The following TACR1 variants were observed in gnomAD, a reference collection of about 807,000 sequenced individuals.
TACR1 encodes the protein substance-P receptor.
Under a neutral mutation model 35.8 loss-of-function variants are expected in TACR1, and 25 were observed. The observed-to-expected ratio is 0.70, with a 90% CI of 0.51 to 0.98. The LOEUF (loss-of-function observed/expected upper bound fraction) is 0.98. Among genes scored for constraint, TACR1 ranks in the 50% least tolerant of loss-of-function variants. The pLI, the probability that TACR1 is intolerant of heterozygous loss-of-function variation, is 0.00. For missense variants in TACR1, 478 were observed against 522.9 expected, an observed-to-expected ratio of 0.91 and a Z score of 0.84; for synonymous variants, 195 against 206.7, an observed-to-expected ratio of 0.94 and a Z score of 0.48.
chr2:75,130,106 C>T (rs528242106), intron 1 of TACR1, among the ~76,000 whole-genome samples: 1 of 152,284 alleles, frequency 6.6e-6, no homozygotes, highest in African/African-American at 2.4e-5. Context: ...TGTTTGATAT[C>T]TTAATGTATT....
At chr2:75,137,792 T>A (rs1250159486) in intron 1 of TACR1, among the ~76,000 whole-genome samples, 1 of 145,022 alleles carries the variant, frequency 6.9e-6, no homozygotes, top group African/African-American at 2.6e-5. Context: ...CCAGGAAGAC[T>A]CTTTGGCCCC....
intron 1 of TACR1, among the ~76,000 whole-genome samples, chr2:75,179,623 C>T (rs1480799296): frequency 6.6e-6 from 1 of 152,194 alleles, no homozygotes; most frequent in Admixed American, 6.5e-5. Context: ...TGGGCCTGGC[C>T]ATGTGACTAG....
At chr2:75,095,391 G>A (rs925739339) in intron 2 of TACR1, among the ~76,000 whole-genome samples, 1 of 152,164 alleles carries the variant, frequency 6.6e-6, no homozygotes, top group Non-Finnish European at 1.5e-5. Context: ...GCCTCCATTA[G>A]AGGAGGGAAT....
chr2:75,100,555 G>C (rs17010738), intron 2 of TACR1, among the ~76,000 whole-genome samples: 15 of 152,022 alleles, frequency 9.9e-5, no homozygotes, highest in African/African-American at 3.6e-4. Context: ...TGACTCTGTG[G>C]TAATGAATGG....
chr2:75,153,870 T>G (rs932352978), intron 1 of TACR1, among the ~76,000 whole-genome samples: 3 of 151,980 alleles, frequency 2.0e-5, no homozygotes, highest in African/African-American at 7.3e-5. Flanking sequence ...CAGTGTACTC[T>G]AAGTATTCTA....
chr2:75,118,932 T>C (rs1157832836), intron 2 of TACR1: 2 of 152,240 alleles, frequency 1.3e-5, no homozygotes, highest in Non-Finnish European at 2.9e-5. Flanking sequence ...CTCAGGCTTG[T>C]AGTTTCATCT....
chr2:75,116,772 T>C (rs1572939659), intron 2 of TACR1, among the ~76,000 whole-genome samples: 1 of 152,096 alleles, frequency 6.6e-6, no homozygotes, highest in African/African-American at 2.4e-5. Context: ...TAGCTGGGCG[T>C]GGTGATGGGC....
intron 1 of TACR1, among the ~76,000 whole-genome samples, chr2:75,125,108 G>A (rs1674047729): frequency 1.3e-5 from 2 of 152,280 alleles, no homozygotes; most frequent in Non-Finnish European, 2.9e-5. Context: ...CTTTACTGCT[G>A]TGAAGATCTC....
chr2:75,073,768 G>C (rs921547577), intron 2 of TACR1, among the ~76,000 whole-genome samples: 8 of 152,194 alleles, frequency 5.3e-5, no homozygotes, highest in African/African-American at 1.9e-4. Context: ...TCTGGCCTGT[G>C]ATGAGGCCCT....
At chr2:75,112,299 G>A (rs1673767381) in intron 2 of TACR1, among the ~76,000 whole-genome samples, 1 of 151,844 alleles carries the variant, frequency 6.6e-6, no homozygotes, top group Non-Finnish European at 1.5e-5. Context: ...TTATTTTGCT[G>A]ATATAAAAAT....
intron 1 of TACR1, chr2:75,188,805 C>T (rs1445818497): frequency 6.6e-6 from 1 of 152,178 alleles, no homozygotes; most frequent in African/African-American, 2.4e-5. Context: ...AAGAAAGCTG[C>T]TCTGTAGACC....
intron 1 of TACR1, among the ~76,000 whole-genome samples, chr2:75,179,326 C>A (rs1675504620): frequency 6.6e-6 from 1 of 152,140 alleles, no homozygotes; most frequent in Non-Finnish European, 1.5e-5. Context: ...TGTCTACCAC[C>A]AGACCCTGGT....
At chr2:75,169,855 C>T (rs1675233435) in intron 1 of TACR1, among the ~76,000 whole-genome samples, 1 of 151,994 alleles carries the variant, frequency 6.6e-6, no homozygotes, top group African/African-American at 2.4e-5. Context: ...TTTTTCTCTC[C>T]AGTTTTCATT....
intron 1 of TACR1, among the ~76,000 whole-genome samples, chr2:75,133,589 T>C (rs1411316192): frequency 1.3e-5 from 2 of 152,206 alleles, no homozygotes; most frequent in Non-Finnish European, 2.9e-5. Context: ...CACCAAGTGC[T>C]GGGGCTGGGT....
intron 1 of TACR1, among the ~76,000 whole-genome samples, chr2:75,138,094 G>C (rs1199017484): frequency 6.6e-6 from 1 of 152,236 alleles, no homozygotes; most frequent in African/African-American, 2.4e-5. Flanking sequence ...CTTGACGACA[G>C]GTGAGGAAAC....
At chr2:75,183,881 T>G (rs1447141838) in intron 1 of TACR1, among the ~76,000 whole-genome samples, 1 of 152,238 alleles carries the variant, frequency 6.6e-6, no homozygotes, top group East Asian at 1.9e-4. Context: ...CCTGTGCTAC[T>G]GCATGATGAG....
intron 1 of TACR1, among the ~76,000 whole-genome samples, chr2:75,172,606 C>G (rs750838912): frequency 2.0e-4 from 31 of 151,910 alleles, no homozygotes; most frequent in Non-Finnish European, 3.1e-4. Flanking sequence ...TTGTAGCTCC[C>G]CAGGACAAGA....
chr2:75,104,552 A>G (rs1673603218), intron 2 of TACR1, among the ~76,000 whole-genome samples: 1 of 152,102 alleles, frequency 6.6e-6, no homozygotes, highest in Non-Finnish European at 1.5e-5. Flanking sequence ...ACAGACATAT[A>G]TGGCACATTC....
intron 1 of TACR1, among the ~76,000 whole-genome samples, chr2:75,161,520 G>T (rs748805160): frequency 2.1e-4 from 32 of 152,004 alleles, no homozygotes; most frequent in Non-Finnish European, 3.7e-4. Context: ...AGGAAGAAAA[G>T]AATAGTTTCA....
Sources: allele counts gnomAD v4.1 joint callset (sites outside exome capture counted in the v4.1 genomes callset), GRCh38; gene constraint gnomAD v4.1.1; transcripts MANE v1.5; gene names NCBI Gene and HGNC (gene_info 2026-07-23, HGNC 2026-07-21).